CDH26: variants seen among roughly 807,000 people sequenced by gnomAD.
CDH26 encodes the protein cadherin-like protein 26.
Under a neutral mutation model 90.3 loss-of-function variants are expected in CDH26, and 83 were observed. That is an observed-to-expected ratio of 0.92 (90% CI 0.77 to 1.10). The LOEUF is 1.10. Among genes scored for constraint, CDH26 ranks in the 50% least tolerant of loss-of-function variants. The pLI is 0.00. For synonymous variants in CDH26, 397 were observed against 396.3 expected (o/e 1.00, Z -0.02); for missense variants, 1,013 against 1,037.6 (o/e 0.98, Z 0.33).
intron 14 of CDH26, 136 bp downstream of exon 14, chr20:59,999,799 C>G: frequency 1.4e-6 from 1 of 702,536 alleles, no homozygotes; most frequent in Non-Finnish European, 2.4e-6. Flanking sequence ...ACCCCAGCCC[C>G]TACTTGCAAA....
intron 13 of CDH26, among the ~76,000 whole-genome samples, chr20:59,997,086 C>A (rs1052281057): frequency 6.6e-6 from 1 of 152,164 alleles, no homozygotes; most frequent in Non-Finnish European, 1.5e-5. Flanking sequence ...CAGCCTACAA[C>A]GCACAAGACA....
intron 7 of CDH26, among the ~76,000 whole-genome samples, chr20:60,029,166 A>G (rs1569072097): frequency 6.6e-6 from 1 of 152,218 alleles, no homozygotes; most frequent in East Asian, 1.9e-4. Context: ...GGTAGTTTCC[A>G]GGAGATGGGG....
chr20:59,972,793 G>C (rs956222453), intron 4 of CDH26, among the ~76,000 whole-genome samples: 1 of 152,118 alleles, frequency 6.6e-6, no homozygotes, highest in East Asian at 1.9e-4. Context: ...CTGTACATTT[G>C]TTCATTAACT....
chr20:60,002,755 G>C, intron 15 of CDH26, 58 bp from the exon 16 acceptor site: 1 of 1,351,372 alleles, frequency 7.4e-7, no homozygotes, highest in Non-Finnish European at 1.0e-6. Context: ...TTCTAGTTAT[G>C]TATTTGCATC....
At chr20:60,018,701 C>G (rs542454551), downstream of CDH26, among the ~76,000 whole-genome samples, 3 of 48,492 alleles carry the variant, frequency 6.2e-5, no homozygotes, top group Non-Finnish European at 1.3e-4. Flanking sequence ...TCTCTTACTG[C>G]CTTTTTTTTT....
intron 16 of CDH26, among the ~76,000 whole-genome samples, chr20:60,003,603 A>G (rs1185923322): frequency 6.6e-6 from 1 of 152,220 alleles, no homozygotes; most frequent in Admixed American, 6.5e-5. Flanking sequence ...TTTGAGTTGC[A>G]TAAAAGCTAA....
chr20:60,002,771 G>C (rs1312082189), intron 15 of CDH26, 42 bp from the exon 16 acceptor site: 1 of 1,497,508 alleles, frequency 6.7e-7, no homozygotes, highest in African/African-American at 1.4e-5. Flanking sequence ...GCATCCTTTG[G>C]TAATTTATTT....
intron 4 of CDH26, among the ~76,000 whole-genome samples, chr20:59,975,497 C>T (rs890102740): frequency 2.6e-5 from 4 of 152,150 alleles, no homozygotes; most frequent in Non-Finnish European, 4.4e-5. Flanking sequence ...TAGTGTAAGC[C>T]ATGGGGGTCT....
At chr20:60,008,264 AG>A (rs1233530684) in intron 17 of CDH26, among the ~76,000 whole-genome samples, 1 of 152,184 alleles carries the variant, frequency 6.6e-6, no homozygotes, top group Non-Finnish European at 1.5e-5. Flanking sequence ...CTCTGTTCTG[AG>A]GACTTGAAAG....
At chr20:59,987,724 C>A in intron 8 of CDH26, 86 bp downstream of exon 8, 1 of 1,263,558 alleles carries the variant, frequency 7.9e-7, no homozygotes, top group Non-Finnish European at 1.1e-6. Context: ...AACCAGGGAG[C>A]TAACGTCCGT....
chr20:60,015,553 G>A (rs964535469), downstream of CDH26, among the ~76,000 whole-genome samples: 8 of 152,182 alleles, frequency 5.3e-5, no homozygotes, highest in Admixed American at 2.6e-4. Flanking sequence ...ATAGTTTGCA[G>A]ATATTTTCTC....
At position 59,984,691 on chromosome 20, in the gene CDH26, A is replaced by G; in HGVS notation, c.594A>G (p.Pro198=). 6.2e-7 allele frequency: 1 copy of G among 1,613,624 alleles called. No homozygotes were observed. The highest frequency in any genetic ancestry group is 1.1e-5 in the South Asian group (1 of 90,936). The change falls in exon 6 of 18, where the codon CCA becomes CCG. Residue 198 remains proline, a synonymous_variant. Transcript: ENST00000348616. The part of the protein sequence containing the change: ...LAVDLDEENT[P]NSQVLYFLIS... ...TCGATTTGGATGAAGAAAACACTCC[A>G]AATTCTCAAGTCCTTTACTTCCTCA...
intron 1 of CDH26, among the ~76,000 whole-genome samples, chr20:59,967,943 CTTTCTTTCTTTCTATCTTT>C (rs1569024652): frequency 1.4e-4 from 15 of 105,964 alleles, no homozygotes; most frequent in African/African-American, 7.8e-4. Flanking sequence ...CCCTTTCTTT[CTTTCTTTCTTTCTATCTTT>C]CTTTCTTTCT....
Position 59,992,510 on chromosome 20 carries a change from T to C in CDH26, c.1416T>C (p.Ala472=). 2.5e-6 allele frequency: 4 copies of C among 1,613,854 alleles called. No homozygotes were observed. The highest frequency in any genetic ancestry group is 3.4e-6 in the Non-Finnish European group (4 of 1,179,910). The stretch of plus-strand genomic sequence containing the variant: ...GTTTTTATGTAATCATCATTCACGC[T>C]GTTGATGATGGTGAGTGTTTACCCA... ...NNSFYVIIIH[A]VDDGFPPQTA... Residue 472 remains alanine, a synonymous_variant, in exon 10 of 18, where the codon GCT becomes GCC. Transcript: ENST00000348616. The surrounding 1 kb of genome is among the most constrained non-coding windows in gnomAD (Gnocchi z 5.0).
At position 59,988,966 on chromosome 20, in the gene CDH26, G is replaced by C. The variant is rs1254500274; in HGVS notation, c.1086G>C (p.Arg362Ser). ...TCATTGTCGTGGAGAATGAGGAGAG[G>C]CTCGTCTTCTGTGAGAGAGGAAAGC... ...SLIIVVENEERLVFCERGKLQ... is the reference protein window; with the variant it reads ...SLIIVVENEESLVFCERGKLQ... Residue 362 changes from arginine to serine, a missense_variant, in exon 9 of 18, where the codon AGG becomes AGC. Arg to Ser is a moderately radical substitution (Grantham distance 110). Coordinates refer to ENST00000348616, the MANE Select transcript of CDH26 (RefSeq NM_177980.4). 1 of 1,614,160 alleles carries C rather than the reference G, an allele frequency of 6.2e-7. No individual in the cohort carries two copies. Among genetic ancestry groups the C allele is most frequent in the Non-Finnish European group, 8.5e-7 (1 of 1,180,036 alleles).
At chr20:60,002,770 G>C in intron 15 of CDH26, 43 bp from the exon 16 acceptor site, 1 of 1,487,472 alleles carries the variant, frequency 6.7e-7, no homozygotes, top group Non-Finnish European at 9.2e-7. Context: ...TGCATCCTTT[G>C]GTAATTTATT....
intron 4 of CDH26, among the ~76,000 whole-genome samples, chr20:59,976,882 C>T (rs2061333998): frequency 1.3e-5 from 2 of 152,174 alleles, no homozygotes; most frequent in South Asian, 4.2e-4. Context: ...CATTTAGGCC[C>T]CTGAGGAAGG....
At position 59,987,485 on chromosome 20, in the gene CDH26, C is replaced by A. The variant is rs746460798; in HGVS notation, c.870C>A (p.Ser290Arg). 6.2e-7 allele frequency: 1 copy of A among 1,612,794 alleles called. No homozygotes were observed. The highest frequency in any genetic ancestry group is 1.1e-5 in the South Asian group (1 of 90,768). ...TTCAGATTCCTGAAGGCCGAGCCAG[C>A]CAGGGCGTGTTGCGTCTCCTGGTTC... ...YKVQIPEGRA[S>R]QGVLRLLVQD... The change falls in exon 8 of 18, where the codon AGC becomes AGA. Residue 290 changes from serine to arginine, a missense_variant. Physicochemically the swap from Ser to Arg is moderately radical, Grantham distance 110. Coordinates refer to ENST00000348616, the MANE Select transcript of CDH26 (RefSeq NM_177980.4).
At chr20:60,025,021 A>G (rs1189940688) in intron 7 of CDH26, among the ~76,000 whole-genome samples, 4 of 152,170 alleles carry the variant, frequency 2.6e-5, no homozygotes, top group Non-Finnish European at 4.4e-5. Flanking sequence ...CTATCTGCAG[A>G]GCTTGGGAAG....
Sources: allele counts gnomAD v4.1 joint callset (sites outside exome capture counted in the v4.1 genomes callset), GRCh38; gene constraint gnomAD v4.1.1; non-coding constraint Gnocchi (gnomAD v3.1); transcripts MANE v1.5; gene names NCBI Gene and HGNC (gene_info 2026-07-23, HGNC 2026-07-21).